Variants in ALAD observed in about 807,000 individuals in gnomAD.
ALAD encodes the protein aminolevulinate dehydratase, also known as delta-aminolevulinic acid dehydratase.
In ALAD, 20 loss-of-function variants were observed where a neutral mutation model predicts 44.4. That is an observed-to-expected ratio of 0.45 (90% CI 0.32 to 0.65). The LOEUF (loss-of-function observed/expected upper bound fraction) is 0.65. Ranked by LOEUF, ALAD falls within the 30% of genes least tolerant of loss-of-function variation. The pLI, the probability that ALAD is intolerant of heterozygous loss-of-function variation, is 0.05. For missense variants in ALAD, 323 were observed against 445.7 expected, an observed-to-expected ratio of 0.72 and a Z score of 2.48; for synonymous variants, 156 against 167.9, an observed-to-expected ratio of 0.93 and a Z score of 0.55.
Position 113,386,968 on chromosome 9 carries a change from CCA to C in ALAD, c.*1330_*1331del, listed in dbSNP as rs1827411768. ...ACAATCCATTCCCCTTTCTCCATCC[CCA>C]CTGTCCCCGCTCCAGTCCATGCCAT... is the stretch of plus-strand genomic sequence containing the variant. On this transcript the variant is annotated 3_prime_UTR_variant, in exon 12 of 12. Transcript: ENST00000409155. The C allele has an allele frequency of 6.6e-6, 1 of 152,330 alleles. No homozygotes were observed. Among genetic ancestry groups the C allele is most frequent in the Non-Finnish European group, 1.5e-5 (1 of 68,116 alleles). The allele number at this position is 152,330 out of a possible 1,614,324, so 9.4% of individuals were successfully genotyped here.
intron 5 of ALAD, 23 bp from the exon 6 acceptor site, chr9:113,390,699 T>C (rs774224877): frequency 1.6e-5 from 26 of 1,611,256 alleles, no homozygotes; most frequent in East Asian, 4.5e-5. Flanking sequence ...TGACTGGGTT[T>C]TGGGGAGCAC....
intron 1 of ALAD, among the ~76,000 whole-genome samples, chr9:113,400,936 C>G (rs1180677009): frequency 6.6e-6 from 1 of 152,242 alleles, no homozygotes; most frequent in African/African-American, 2.4e-5. Flanking sequence ...ACCCGCACCT[C>G]GGGTTCTGCA....
At chr9:113,391,042 A>AT in intron 4 of ALAD, 109 bp from the exon 5 acceptor site, 1 of 1,445,170 alleles carries the variant, frequency 6.9e-7, no homozygotes, top group Non-Finnish European at 9.5e-7. Flanking sequence ...CTTCATCATC[A>AT]CAGCCCCTGG....
At chr9:113,400,544 C>T (rs560204731) in intron 1 of ALAD, among the ~76,000 whole-genome samples, 2 of 152,280 alleles carry the variant, frequency 1.3e-5, no homozygotes, top group Admixed American at 1.3e-4. Context: ...TGGGTCAGGC[C>T]GGGCGTGGTG....
chr9:113,388,137 G>C lies in ALAD; in HGVS notation c.*163C>G. On this transcript the variant is annotated 3_prime_UTR_variant, in exon 12 of 12. Transcript: ENST00000409155. ...ATGCAGCTGCGAGTTACAAGAGTTAGCATGCTGGCAAAACCACCCAGGGCT... is the reference window on the plus strand; with the variant it reads ...ATGCAGCTGCGAGTTACAAGAGTTACCATGCTGGCAAAACCACCCAGGGCT... The C allele has an allele frequency of 1.4e-6, 1 of 725,822 alleles. No individual in the cohort carries two copies. The highest frequency in any genetic ancestry group is 1.5e-5 in the South Asian group (1 of 66,068). 45.0% of individuals were successfully genotyped at this position (725,822 alleles called of 1,614,324 possible).
intron 1 of ALAD, among the ~76,000 whole-genome samples, chr9:113,397,901 A>G (rs1209238758): frequency 6.6e-6 from 1 of 152,210 alleles, no homozygotes; most frequent in East Asian, 1.9e-4. Context: ...CTGGGATTAC[A>G]GGCGTGAGCC....
chr9:113,394,535 TAA>T (rs980347073), intron 1 of ALAD, among the ~76,000 whole-genome samples: 2 of 149,976 alleles, frequency 1.3e-5, no homozygotes, highest in Admixed American at 1.3e-4. Flanking sequence ...GAGACGTCTC[TAA>T]AAAAAAATAA....
intron 1 of ALAD, among the ~76,000 whole-genome samples, chr9:113,399,981 T>A (rs544228677): frequency 6.6e-6 from 1 of 152,312 alleles, no homozygotes; most frequent in Admixed American, 6.5e-5. Flanking sequence ...GAATATCTAC[T>A]ATGGGCCTGC....
chr9:113,393,393 C>CCAACCCA, intron 2 of ALAD, 54 bp downstream of exon 2: 5 of 1,502,842 alleles, frequency 3.3e-6, no homozygotes, highest in Non-Finnish European at 3.7e-6. Context: ...ACTCCCTCCC[C>CCAACCCA]AACCCCAACC....
intron 1 of ALAD, among the ~76,000 whole-genome samples, chr9:113,394,832 A>T (rs189086230): frequency 3.7e-4 from 56 of 152,090 alleles, no homozygotes; most frequent in Non-Finnish European, 6.5e-4. Context: ...TGGGCAGATC[A>T]CTTGAGGTCA....
chr9:113,389,013 C>A lies in ALAD; in HGVS notation c.895G>T (p.Ala299Ser). The A allele has an allele frequency of 6.2e-7, 1 of 1,613,884 alleles. No individual in the cohort carries two copies. The highest frequency in any genetic ancestry group is 1.1e-5 in the South Asian group (1 of 91,086). ...AAGGCAGTCATGGCCTCCAGTACGG[C>A]AGCCTTGAGATCAAATGCCCCGGCC... is the stretch of plus-strand genomic sequence containing the variant. ...AQAGAFDLKA[A>S]VLEAMTAFRR... The change falls in exon 11 of 12, where the codon GCC becomes TCC. Residue 299 changes from alanine (A) to serine (S), a missense_variant. Physicochemically the swap from Ala to Ser is moderately conservative, Grantham distance 99. Transcript: ENST00000409155.
At chr9:113,390,750 A>G (rs1827556213) in intron 5 of ALAD, 48 bp downstream of exon 5, 2 of 1,599,530 alleles carry the variant, frequency 1.3e-6, no homozygotes, top group African/African-American at 2.7e-5. Context: ...AGAAGTGGGC[A>G]GTAGGAGTGT....
At chr9:113,392,231 G>A (rs1827609988) in intron 2 of ALAD, 62 bp from the exon 3 acceptor site, 1 of 1,612,046 alleles carries the variant, frequency 6.2e-7, no homozygotes, top group Non-Finnish European at 8.5e-7. Context: ...GTGCGGGGGC[G>A]ACTGAGAGGG....
Position 113,389,091 on chromosome 9 carries a change from G to C in ALAD, c.817C>G (p.Leu273Val). The change falls in exon 11 of 12, where the codon CTC (leucine) becomes GTC (valine). Residue 273 changes from leucine to valine, a missense_variant. Physicochemically the swap from Leu to Val is conservative, Grantham distance 32. Transcript: ENST00000409155. ...EVKDKHPDLP[L>V]AVYHVSGEFA... ...TCTCCAGAGACGTGGTACACGGCGAGAGGGAGGTCAGGGTGCTGCAGGGAA... is the reference window on the plus strand; with the variant it reads ...TCTCCAGAGACGTGGTACACGGCGACAGGGAGGTCAGGGTGCTGCAGGGAA... The C allele has an allele frequency of 1.2e-6, 2 of 1,614,042 alleles. No individual in the cohort carries two copies. The highest frequency in any genetic ancestry group is 1.7e-6 in the Non-Finnish European group (2 of 1,180,050).
At position 113,392,390 on chromosome 9, in the gene ALAD, T is replaced by C. The variant is rs939682781; in HGVS notation, c.114-221A>G. The stretch of plus-strand genomic sequence containing the variant: ...ACAGTGACAACACTAGCAACTGTAC[T>C]AAAAGAACGGTAATTACAGGAAGGA... On this transcript the variant is annotated intron_variant, in intron 2 of 11. Coordinates refer to ENST00000409155, the MANE Select transcript of ALAD (RefSeq NM_000031.6). 8 of 1,337,994 alleles carry C rather than the reference T, an allele frequency of 6.0e-6. No homozygotes were observed. In the African/African-American group the frequency reaches 1.2e-4, roughly 20 times the overall value. The allele number at this position is 1,337,994 out of a possible 1,614,324, so 82.9% of individuals were successfully genotyped here. A position where few individuals can be genotyped will look rare whatever the true frequency, so the allele number is the denominator to read the frequency against.
chr9:113,389,276 C>T (rs535092999), intron 10 of ALAD, among the ~76,000 whole-genome samples, 162 bp downstream of exon 10: 7 of 152,210 alleles, frequency 4.6e-5, no homozygotes, highest in South Asian at 4.1e-4. Flanking sequence ...GTTTGAGGCT[C>T]GTGCAAGCCC....
chr9:113,388,245 C>CT lies in ALAD; in HGVS notation c.*54dup. ...AGCATTTACTTTGGTTTTCACTTGT[C>CT]TGAGGCCCCGGGAACGTTTTAAAGT... is the stretch of plus-strand genomic sequence containing the variant. On this transcript the variant is annotated 3_prime_UTR_variant, in exon 12 of 12. Coordinates refer to ENST00000409155, the MANE Select transcript of ALAD (RefSeq NM_000031.6). 1.9e-6 allele frequency: 3 copies of CT among 1,581,322 alleles called. No homozygotes were observed. The highest frequency in any genetic ancestry group is 2.6e-6 in the Non-Finnish European group (3 of 1,150,128).
In ALAD at chr9:113,388,977, C is replaced by A; in HGVS notation, c.931G>T (p.Gly311Cys). The A allele has an allele frequency of 6.2e-7, 1 of 1,613,882 alleles. No individual in the cohort carries two copies. The highest frequency in any genetic ancestry group is 8.5e-7 in the Non-Finnish European group (1 of 1,180,042). The change falls in exon 11 of 12, where the codon GGT becomes TGT. Residue 311 changes from glycine to cysteine, a missense_variant and splice_region_variant. Physicochemically the swap from Gly to Cys is radical, Grantham distance 159 (BLOSUM62 -3). Transcript: ENST00000409155. ...AAACACCCCACCCTTGCCTGCCTAC[C>A]TGCTCTGCGGAAGGCAGTCATGGCC... ...LEAMTAFRRA[G>C]ADIIITYYTP... is the part of the protein sequence containing the mutation.
chr9:113,400,818 G>A (rs1048260657), intron 1 of ALAD, among the ~76,000 whole-genome samples: 41 of 152,078 alleles, frequency 2.7e-4, no homozygotes, highest in Admixed American at 8.5e-4. Flanking sequence ...GCGAAACTCC[G>A]TCTCAAAAAT....
Sources: gnomAD v4.1 joint callset for allele counts (sites outside exome capture counted in the v4.1 genomes callset) on GRCh38, gnomAD v4.1.1 for gene constraint, MANE v1.5 for transcripts, NCBI Gene and HGNC (gene_info 2026-07-23, HGNC 2026-07-21) for gene names.